Variants in SETD5 observed in about 807,000 individuals in gnomAD.
SETD5 encodes histone-lysine N-methyltransferase SETD5.
A neutral mutation model predicts 153.3 loss-of-function variants in SETD5; 44 were observed. The observed-to-expected ratio is 0.29, with a 90% CI of 0.23 to 0.37. The LOEUF is 0.37. Ranked by LOEUF, SETD5 falls within the 10% of genes least tolerant of loss-of-function variation. SETD5 has a pLI of 1.00. For missense variants in SETD5, 1,544 were observed against 1,768.0 expected, an observed-to-expected ratio of 0.87 and a Z score of 2.27; for synonymous variants, 716 against 645.2, an observed-to-expected ratio of 1.11 and a Z score of -1.66.
chr3:9,447,407 C>T, intron 14 of SETD5, 100 bp downstream of exon 14: 1 of 1,463,454 alleles, frequency 6.8e-7, no homozygotes, highest in Non-Finnish European at 9.2e-7. Context: ...CAGCTTTGCT[C>T]CATATCACAA....
intron 1 of SETD5, among the ~76,000 whole-genome samples, chr3:9,406,424 A>G (rs964752221): frequency 6.6e-5 from 10 of 151,498 alleles, no homozygotes; most frequent in Non-Finnish European, 1.5e-4. Context: ...ACAGCCTGAA[A>G]TATATTCGGT....
At chr3:9,471,920 A>C (rs2045344884) in intron 19 of SETD5, among the ~76,000 whole-genome samples, 1 of 152,212 alleles carries the variant, frequency 6.6e-6, no homozygotes, top group African/African-American at 2.4e-5. Flanking sequence ...AGAATTTATT[A>C]ACTTCTTTCC....
chr3:9,427,582 G>A (rs1434574013), intron 2 of SETD5, among the ~76,000 whole-genome samples: 3 of 152,012 alleles, frequency 2.0e-5, no homozygotes. Context: ...TTAACCCCCT[G>A]GGTTGACTCA....
At chr3:9,469,723 A>G (rs2045073370) in intron 18 of SETD5, among the ~76,000 whole-genome samples, 1 of 152,220 alleles carries the variant, frequency 6.6e-6, no homozygotes, top group Non-Finnish European at 1.5e-5. Flanking sequence ...TTTGGAGGTT[A>G]TGATAACCAA....
At chr3:9,402,155 G>A (rs151290208) in intron 1 of SETD5, among the ~76,000 whole-genome samples, 367 of 152,240 alleles carry the variant, frequency 2.4e-3, no homozygotes, top group Non-Finnish European at 4.0e-3. Context: ...TAGGAAAACT[G>A]TTTTATTGTA....
Position 9,464,375 on chromosome 3 carries a change from T to G in SETD5, c.2477-50T>G, listed in dbSNP as rs762981403. 11 of 1,579,022 alleles carry G rather than the reference T, an allele frequency of 7.0e-6. No individual in the cohort carries two copies. The African/African-American group carries it at 1.5e-4, about 21-fold the overall frequency. On this transcript the variant is annotated intron_variant, in intron 17 of 22. Coordinates refer to ENST00000402198, the MANE Select transcript of SETD5 (RefSeq NM_001080517.3). The stretch of plus-strand genomic sequence containing the variant: ...AGATTAATGGCTTTACTGTAGAGCC[T>G]TAAATTAATCTGTGGTTTCAAACTC...
At chr3:9,413,649 G>GGGTGTGT (rs200761097) in intron 1 of SETD5, among the ~76,000 whole-genome samples, 11,105 of 140,294 alleles carry the variant, frequency 0.079, 615 homozygotes, top group Non-Finnish European at 0.12. Context: ...GGGGAGGCGG[G>GGGTGTGT]GTGTGTGTGT....
chr3:9,428,808 C>T lies in SETD5; in HGVS notation c.-116-15C>T, dbSNP rs1332221480. On this transcript the variant is annotated splice_polypyrimidine_tract_variant and intron_variant, in intron 2 of 22. Transcript: ENST00000402198. ...AGGTATTTATTTTACTAGATATTTT[C>T]CTTTTCTGTTACAGGATTCCTCATG... 1 of 491,566 alleles carries T rather than the reference C, an allele frequency of 2.0e-6. No homozygotes were observed. Among genetic ancestry groups the T allele is most frequent in the African/African-American group, 2.0e-5 (1 of 50,816 alleles). The allele number at this position is 491,566 out of a possible 1,614,324, so 30.5% of individuals were successfully genotyped here. A position where few individuals can be genotyped will look rare whatever the true frequency, so the allele number is the denominator to read the frequency against.
intron 12 of SETD5, 61 bp downstream of exon 12, chr3:9,445,361 C>T (rs1305112786): frequency 1.1e-5 from 17 of 1,552,090 alleles, no homozygotes; most frequent in Admixed American, 3.8e-5. Flanking sequence ...AAGAGGAACC[C>T]GGGTTGCCGC....
chr3:9,436,966 G>A, intron 7 of SETD5: 1 of 1,300,738 alleles, frequency 7.7e-7, no homozygotes, highest in Non-Finnish European at 1.1e-6. Flanking sequence ...TCCTGACATT[G>A]ATGGTCTGGG....
intron 20 of SETD5, among the ~76,000 whole-genome samples, 178 bp from the exon 21 acceptor site, chr3:9,474,271 A>G (rs2045632706): frequency 6.6e-6 from 1 of 152,094 alleles, no homozygotes; most frequent in Non-Finnish European, 1.5e-5. Context: ...GTTGTTGTTG[A>G]TGTTTCTCTT....
chr3:9,445,965 GTTTTTTTTTTTTT>G (rs376821559), intron 13 of SETD5, among the ~76,000 whole-genome samples: 2 of 86,476 alleles, frequency 2.3e-5, no homozygotes, highest in East Asian at 3.1e-4. Context: ...TGAAGAGGTT[GTTTTTTTTTTTTT>G]TTTTTTTTTT....
At chr3:9,455,254 C>T (rs1306491493) in intron 17 of SETD5, among the ~76,000 whole-genome samples, 5 of 147,718 alleles carry the variant, frequency 3.4e-5, no homozygotes, top group East Asian at 3.9e-4. Context: ...TACAGGCGCC[C>T]GCCACCTCAC....
In SETD5 at chr3:9,428,818, T is replaced by A; in HGVS notation, c.-116-5T>A. 2.0e-6 allele frequency: 1 copy of A among 511,496 alleles called. No individual in the cohort carries two copies. The highest frequency in any genetic ancestry group is 3.5e-6 in the Non-Finnish European group (1 of 284,612). The allele number at this position is 511,496 out of a possible 1,614,324, so 31.7% of individuals were successfully genotyped here. On this transcript the variant is annotated splice_region_variant and splice_polypyrimidine_tract_variant and intron_variant, in intron 2 of 22. Coordinates refer to ENST00000402198, the MANE Select transcript of SETD5 (RefSeq NM_001080517.3). ...TTTACTAGATATTTTCCTTTTCTGT[T>A]ACAGGATTCCTCATGTCCATAACAT... is the stretch of plus-strand genomic sequence containing the variant.
chr3:9,405,473 A>C (rs949830403), intron 1 of SETD5, among the ~76,000 whole-genome samples: 3 of 152,122 alleles, frequency 2.0e-5, no homozygotes, highest in Non-Finnish European at 4.4e-5. Flanking sequence ...TGCATAATTT[A>C]TGTTCTTCAA....
intron 7 of SETD5, among the ~76,000 whole-genome samples, chr3:9,438,998 G>A: frequency 6.6e-6 from 1 of 152,212 alleles, no homozygotes; most frequent in East Asian, 1.9e-4. Context: ...TAAACACACA[G>A]TGAGATTAGC....
intron 17 of SETD5, among the ~76,000 whole-genome samples, chr3:9,464,196 G>C (rs929454745): frequency 3.3e-5 from 5 of 152,124 alleles, no homozygotes; most frequent in African/African-American, 1.2e-4. Context: ...TTAGAGATCA[G>C]TCACATTTGA....
chr3:9,425,062 T>TTTTTTTTTTTTTTG (rs2038966984), intron 2 of SETD5, among the ~76,000 whole-genome samples: 7 of 144,398 alleles, frequency 4.8e-5, no homozygotes, highest in African/African-American at 1.8e-4. Context: ...TTTCTTTTTT[T>TTTTTTTTTTTTTTG]TTTTTTTTTT....
rs758806315 is a variant in SETD5, at chr3:9,470,855, T to C, written c.3121T>C (p.Ser1041Pro). 6.2e-7 allele frequency: 1 copy of C among 1,612,044 alleles called. No individual in the cohort carries two copies. Among genetic ancestry groups the C allele is most frequent in the Non-Finnish European group, 8.5e-7 (1 of 1,179,044 alleles). The change falls in exon 19 of 23, where the codon TCC (serine) becomes CCC (proline). Residue 1041 changes from serine to proline, a missense_variant. Coordinates refer to ENST00000402198, the MANE Select transcript of SETD5 (RefSeq NM_001080517.3). ...CTTAATGAAAGACCTCTCTCGTGGA[T>C]CCTTGTCACCTGGTGGTGAAAGGGC... is the stretch of plus-strand genomic sequence containing the variant. The part of the protein sequence containing the change: ...HGLMKDLSRG[S>P]LSPGGERACE...
Sources: allele counts gnomAD v4.1 joint callset (sites outside exome capture counted in the v4.1 genomes callset), GRCh38; gene constraint gnomAD v4.1.1; transcripts MANE v1.5; gene names NCBI Gene and HGNC (gene_info 2026-07-23, HGNC 2026-07-21).